Variants in KCNH5 observed in about 807,000 individuals in gnomAD.
KCNH5 encodes the protein potassium voltage-gated channel subfamily H member 5, also known as voltage-gated delayed rectifier potassium channel KCNH5.
KCNH5 carries 46 observed loss-of-function variants against 96.1 expected under a neutral mutation model. That is an observed-to-expected ratio of 0.48 (90% CI 0.38 to 0.61). The LOEUF (loss-of-function observed/expected upper bound fraction) is 0.61, where lower values mean the gene tolerates loss of function less well. Among genes scored for constraint, KCNH5 ranks in the 20% least tolerant of loss-of-function variants. The pLI, the probability that KCNH5 is intolerant of heterozygous loss-of-function variation, is 0.00. For synonymous variants in KCNH5, 439 were observed against 449.8 expected, an observed-to-expected ratio of 0.98 and a Z score of 0.30; for missense variants, 907 against 1,225.8, an observed-to-expected ratio of 0.74 and a Z score of 3.88.
At chr14:62,873,022 C>A (rs529867012) in intron 7 of KCNH5, among the ~76,000 whole-genome samples, 1 of 151,252 alleles carries the variant, frequency 6.6e-6, no homozygotes, top group Non-Finnish European at 1.5e-5. Flanking sequence ...TGGTGGCGGG[C>A]GCCTGTAGTC....
intron 10 of KCNH5, among the ~76,000 whole-genome samples, chr14:62,755,903 C>T (rs565630900): frequency 6.6e-6 from 1 of 152,172 alleles, no homozygotes; most frequent in South Asian, 2.1e-4. Flanking sequence ...GGATAAAATT[C>T]AACATCCCTT....
chr14:62,729,333 G>C (rs1465429629), intron 10 of KCNH5, among the ~76,000 whole-genome samples: 4 of 152,164 alleles, frequency 2.6e-5, no homozygotes. Context: ...ATACATTTTA[G>C]AGATGAAGGT....
At chr14:62,742,599 A>G (rs761614302) in intron 10 of KCNH5, among the ~76,000 whole-genome samples, 18 of 152,252 alleles carry the variant, frequency 1.2e-4, no homozygotes, top group Non-Finnish European at 2.4e-4. Flanking sequence ...AGTCTAAACT[A>G]CAGCCTTAGT....
At position 62,702,071 on chromosome 14, in the gene KCNH5, A is replaced by G. The variant is rs897496254; in HGVS notation, c.*5437T>C. ...AGAAATTATAGAAAAAAAATCCTGA[A>G]TGACTCTTGCTTTCCTTAACCATTA... is the stretch of plus-strand genomic sequence containing the variant. On this transcript the variant is annotated 3_prime_UTR_variant, in exon 11 of 11. Coordinates refer to ENST00000322893, the MANE Select transcript of KCNH5 (RefSeq NM_139318.5). 1.3e-5 allele frequency: 2 copies of G among 152,114 alleles called. No homozygotes were observed. The highest frequency in any genetic ancestry group is 4.8e-5 in the African/African-American group (2 of 41,448). The allele number at this position is 152,114 out of a possible 1,614,324, so 9.4% of individuals were successfully genotyped here.
intron 10 of KCNH5, among the ~76,000 whole-genome samples, chr14:62,709,462 T>A (rs970032108): frequency 6.6e-6 from 1 of 152,278 alleles, no homozygotes; most frequent in South Asian, 2.1e-4. Context: ...CATTGCAAAC[T>A]GCTCTCTATT....
chr14:62,937,454 T>C (rs1889706742), intron 7 of KCNH5, among the ~76,000 whole-genome samples: 1 of 152,152 alleles, frequency 6.6e-6, no homozygotes, highest in South Asian at 2.1e-4. Context: ...TCCTGTCCTA[T>C]AAGGCCCTGA....
intron 7 of KCNH5, among the ~76,000 whole-genome samples, chr14:62,936,475 G>C (rs1350698509): frequency 6.6e-6 from 1 of 151,622 alleles, no homozygotes; most frequent in Non-Finnish European, 1.5e-5. Flanking sequence ...AGGATTTCAA[G>C]ACCAGCCTAG....
intron 1 of KCNH5, among the ~76,000 whole-genome samples, chr14:63,027,729 G>C (rs971350049): frequency 4.6e-5 from 7 of 151,822 alleles, no homozygotes; most frequent in Non-Finnish European, 1.0e-4. Context: ...ATTATTTATT[G>C]GTTGAATGAA....
chr14:62,971,679 T>C (rs916790774), intron 6 of KCNH5, among the ~76,000 whole-genome samples: 1 of 151,912 alleles, frequency 6.6e-6, no homozygotes. Context: ...CTGATCAGAA[T>C]AGTGAATCCA....
intron 8 of KCNH5, among the ~76,000 whole-genome samples, chr14:62,833,631 C>T (rs956232737): frequency 2.6e-5 from 4 of 151,878 alleles, no homozygotes; most frequent in Non-Finnish European, 4.4e-5. Context: ...GGGGTTCCAT[C>T]GTTTTTTCTA....
At chr14:62,927,958 A>G (rs1889506516) in intron 7 of KCNH5, among the ~76,000 whole-genome samples, 1 of 152,128 alleles carries the variant, frequency 6.6e-6, no homozygotes, top group African/African-American at 2.4e-5. Flanking sequence ...AAATGAGTTC[A>G]TGTGTTCTAG....
chr14:62,815,480 G>C (rs1046447732), intron 8 of KCNH5, among the ~76,000 whole-genome samples: 2 of 151,860 alleles, frequency 1.3e-5, no homozygotes, highest in Admixed American at 6.6e-5. Context: ...GTTTAAAAAG[G>C]AATATTTAAA....
At chr14:62,992,728 T>C (rs765471806) in intron 4 of KCNH5, among the ~76,000 whole-genome samples, 43 of 152,102 alleles carry the variant, frequency 2.8e-4, no homozygotes, top group Admixed American at 2.2e-3. Context: ...CTCTGTTGAA[T>C]AAATAGTTTG....
intron 6 of KCNH5, among the ~76,000 whole-genome samples, chr14:62,953,269 C>T (rs991151206): frequency 1.3e-5 from 2 of 151,994 alleles, no homozygotes; most frequent in African/African-American, 4.8e-5. Flanking sequence ...GCCAACCCTC[C>T]AACTGACGCC....
chr14:62,909,032 A>ATTTTTT lies in KCNH5; in HGVS notation c.1369+41095_1369+41100dup, dbSNP rs58920666. On this transcript the variant is annotated intron_variant, in intron 7 of 10. Transcript: ENST00000322893. ...AAACATAGAAAACACTATGCTACGT[A>ATTTTTT]TTTTTTTTTTTTTTTTTTTTTTTTT... Among the ~76,000 whole-genome samples, 207 of 57,926 alleles carry ATTTTTT rather than the reference A, an allele frequency of 3.6e-3. 22 individuals are homozygous for ATTTTTT. Among genetic ancestry groups the ATTTTTT allele is most frequent in the East Asian group, 6.3e-3 (10 of 1,590 alleles). 38.0% of individuals were successfully genotyped at this position (57,926 alleles called of 152,430 possible).
At chr14:62,731,054 A>C (rs1184937994) in intron 10 of KCNH5, among the ~76,000 whole-genome samples, 3 of 152,190 alleles carry the variant, frequency 2.0e-5, no homozygotes, top group African/African-American at 7.2e-5. Flanking sequence ...TAATCCCTGC[A>C]CTTTGGGAGG....
intron 4 of KCNH5, among the ~76,000 whole-genome samples, chr14:62,988,059 G>A (rs980008938): frequency 2.6e-5 from 4 of 151,966 alleles, no homozygotes; most frequent in African/African-American, 9.7e-5. Context: ...AGTGACTTTT[G>A]GGGGAAAGAA....
At chr14:62,775,222 G>C (rs185140584) in intron 10 of KCNH5, among the ~76,000 whole-genome samples, 164 of 152,222 alleles carry the variant, frequency 1.1e-3, no homozygotes, top group Middle Eastern at 3.4e-3. Context: ...TTAGAAAATA[G>C]ATAAAATAAA....
At chr14:62,955,984 G>A (rs770948351) in intron 6 of KCNH5, among the ~76,000 whole-genome samples, 21 of 152,062 alleles carry the variant, frequency 1.4e-4, no homozygotes, top group Non-Finnish European at 2.6e-4. Context: ...AACCAACCAC[G>A]CTGCAGCCTT....
Sources: gnomAD v4.1 joint callset for allele counts (sites outside exome capture counted in the v4.1 genomes callset) on GRCh38, gnomAD v4.1.1 for gene constraint, MANE v1.5 for transcripts, NCBI Gene and HGNC (gene_info 2026-07-23, HGNC 2026-07-21) for gene names.